The following TUT7 variants were observed in gnomAD, a reference collection of about 807,000 sequenced individuals.
The protein encoded by TUT7 is terminal uridylyl transferase 7.
TUT7 carries 33 observed loss-of-function variants against 165.9 expected under a neutral mutation model. The ratio of observed to expected loss-of-function variants is 0.20; its 90% CI spans 0.15 to 0.27. The LOEUF (loss-of-function observed/expected upper bound fraction) is 0.27. TUT7 is among the 10% of genes least tolerant of loss of function. TUT7 has a pLI of 1.00. For missense variants in TUT7, 1,338 were observed against 1,762.3 expected (o/e 0.76, Z 4.31); for synonymous variants, 552 against 608.1 (o/e 0.91, Z 1.36).
At chr9:86,313,871 A>G (rs13293216) in intron 17 of TUT7, among the ~76,000 whole-genome samples, 5 of 152,344 alleles carry the variant, frequency 3.3e-5, no homozygotes, top group African/African-American at 1.2e-4. Context: ...TAGTGATCAC[A>G]TCATAGAACA....
At chr9:86,353,396 C>G (rs1832468482) in intron 1 of TUT7, among the ~76,000 whole-genome samples, 166 bp from the exon 2 acceptor site, 1 of 152,152 alleles carries the variant, frequency 6.6e-6, no homozygotes, top group Non-Finnish European at 1.5e-5. Flanking sequence ...GTGCTTTACC[C>G]TAGAGGTTGG....
At chr9:86,338,749 A>G in intron 9 of TUT7, 74 bp downstream of exon 9, 1 of 1,389,542 alleles carries the variant, frequency 7.2e-7, no homozygotes, top group Non-Finnish European at 9.4e-7. Flanking sequence ...ACTGAAGATT[A>G]AATTAAGTAA....
chr9:86,350,741 A>T (rs1487885146), intron 2 of TUT7, among the ~76,000 whole-genome samples: 1 of 152,252 alleles, frequency 6.6e-6, no homozygotes, highest in Non-Finnish European at 1.5e-5. Flanking sequence ...TAGCTTAAAG[A>T]TTTAAGTTTT....
At chr9:86,327,100 T>C (rs1388419701) in intron 11 of TUT7, among the ~76,000 whole-genome samples, 3 of 152,200 alleles carry the variant, frequency 2.0e-5, no homozygotes, top group Admixed American at 6.5e-5. Context: ...AAAATGGAAG[T>C]TGTCTAAGTC....
intron 8 of TUT7, 122 bp downstream of exon 8, chr9:86,339,914 A>C: frequency 1.4e-6 from 1 of 734,606 alleles, no homozygotes; most frequent in South Asian, 1.7e-5. Flanking sequence ...GTTAGTAGGA[A>C]CCATGTGTGA....
At chr9:86,342,934 T>G (rs117132564) in intron 6 of TUT7, 141 bp downstream of exon 6, 14,726 of 562,684 alleles carry the variant, frequency 0.026, 251 homozygotes, top group Non-Finnish European at 0.034. Context: ...AAAAAAAAGC[T>G]CTGAAACTGA....
At chr9:86,300,123 C>A (rs1826741971) in intron 26 of TUT7, among the ~76,000 whole-genome samples, 1 of 152,082 alleles carries the variant, frequency 6.6e-6, no homozygotes, top group South Asian at 2.1e-4. Flanking sequence ...TGGTATATGT[C>A]CCATGTGAGC....
chr9:86,351,329 T>C (rs1472939778), intron 2 of TUT7, among the ~76,000 whole-genome samples: 4 of 151,666 alleles, frequency 2.6e-5, no homozygotes, highest in Non-Finnish European at 5.9e-5. Context: ...CCAGCTACTT[T>C]GGGGGATGAG....
chr9:86,303,181 A>G lies in TUT7; in HGVS notation c.3999T>C (p.Asp1333=), dbSNP rs747279018. 4 of 1,600,756 alleles carry G rather than the reference A, an allele frequency of 2.5e-6. No homozygotes were observed. The African/African-American group carries it at 5.4e-5, about 22-fold the overall frequency. ...GGGCCAGCTCTCCTTCAGTTAACAC[A>G]TCTGGATCAAAAAAGTATTCCTAGA... ...PSKMEYFFDP[D]VLTEGELAPN... Residue 1333 remains aspartate (D), a synonymous_variant, in exon 25 of 27, where the codon GAT becomes GAC. Coordinates refer to ENST00000375963, the MANE Select transcript of TUT7 (RefSeq NM_024617.4).
chr9:86,329,500 G>A (rs1223991649), intron 10 of TUT7, among the ~76,000 whole-genome samples: 2 of 149,416 alleles, frequency 1.3e-5, no homozygotes, highest in Non-Finnish European at 3.0e-5. Context: ...TCCAGCCTGG[G>A]CAACAAGAGC....
chr9:86,293,020 GAATT>G (rs1457374050), intron 26 of TUT7, among the ~76,000 whole-genome samples: 1 of 152,128 alleles, frequency 6.6e-6, no homozygotes, highest in Admixed American at 6.6e-5. Flanking sequence ...ACACATGAAT[GAATT>G]TTTATATAAT....
chr9:86,344,515 AC>A (rs1831587161), intron 5 of TUT7, among the ~76,000 whole-genome samples: 1 of 152,108 alleles, frequency 6.6e-6, no homozygotes, highest in Non-Finnish European at 1.5e-5. Flanking sequence ...AAAATCCAAT[AC>A]AAATTTCTTA....
intron 26 of TUT7, among the ~76,000 whole-genome samples, chr9:86,293,827 C>T (rs1013648054): frequency 2.0e-5 from 3 of 152,180 alleles, no homozygotes; most frequent in African/African-American, 7.2e-5. Flanking sequence ...TCACTGCAGC[C>T]TCCACCTCCC....
rs1830520339 is a variant in TUT7, at chr9:86,333,727, T to C, written c.1455+3692A>G. ...CATATCCAACTTAAGTTCTGACACA[T>C]GCTCTGTCTCTTCAAGCTGTGCTTT... On this transcript the variant is annotated intron_variant, in intron 10 of 26. Transcript: ENST00000375963. Among the ~76,000 whole-genome samples the C allele has an allele frequency of 3.3e-5, 5 of 152,240 alleles. No individual in the cohort carries two copies. In the South Asian group the frequency reaches 1.0e-3, roughly 31 times the overall value.
chr9:86,330,249 A>T (rs1468888157), intron 10 of TUT7, among the ~76,000 whole-genome samples: 2 of 151,792 alleles, frequency 1.3e-5, no homozygotes, highest in Non-Finnish European at 2.9e-5. Context: ...TTTAGTAGAG[A>T]TGGAGTTTCA....
chr9:86,319,684 A>G lies in TUT7; in HGVS notation c.3029-14T>C, dbSNP rs1185601014. 1 of 1,558,240 alleles carries G rather than the reference A, an allele frequency of 6.4e-7. No individual in the cohort carries two copies. Among genetic ancestry groups the G allele is most frequent in the Non-Finnish European group, 8.8e-7 (1 of 1,140,860 alleles). On this transcript the variant is annotated splice_polypyrimidine_tract_variant and intron_variant, in intron 14 of 26. Transcript: ENST00000375963. ...GAGAAAAATCCTCTGTTTAAAAATA[A>G]ATAGACATATTGACAAAATAAGCCG...
chr9:86,302,082 G>A (rs112351208), intron 25 of TUT7, among the ~76,000 whole-genome samples: 3,255 of 152,078 alleles, frequency 0.021, 98 homozygotes, highest in African/African-American at 0.069. Flanking sequence ...ACTGATTTTT[G>A]AGTAATGAAA....
chr9:86,342,982 C>T, intron 6 of TUT7, 93 bp downstream of exon 6: 1 of 882,480 alleles, frequency 1.1e-6, no homozygotes, highest in East Asian at 2.8e-5. Context: ...AAAATATCTT[C>T]AAATATCTAA....
At chr9:86,301,721 T>C in intron 25 of TUT7, 120 bp from the exon 26 acceptor site, 12 of 1,488,742 alleles carry the variant, frequency 8.1e-6, no homozygotes, top group Non-Finnish European at 1.1e-5. Flanking sequence ...TAGAAAGTAT[T>C]AAAAGGAAAA....
Sources: allele counts gnomAD v4.1 joint callset (sites outside exome capture counted in the v4.1 genomes callset), GRCh38; gene constraint gnomAD v4.1.1; transcripts MANE v1.5; gene names NCBI Gene and HGNC (gene_info 2026-07-23, HGNC 2026-07-21).